PPP1R12A: variants seen among roughly 807,000 people sequenced by gnomAD.
The protein encoded by PPP1R12A is myosin binding subunit.
A neutral mutation model predicts 139.6 loss-of-function variants in PPP1R12A; 19 were observed. That is an observed-to-expected ratio of 0.14 (90% confidence interval 0.09 to 0.20). The LOEUF (loss-of-function observed/expected upper bound fraction) is 0.20. Among genes scored for constraint, PPP1R12A ranks in the 10% least tolerant of loss-of-function variants. PPP1R12A has a pLI of 1.00. For synonymous variants in PPP1R12A, 427 were observed against 420.6 expected, an observed-to-expected ratio of 1.02 and a Z score of -0.19; for missense variants, 925 against 1,211.5, an observed-to-expected ratio of 0.76 and a Z score of 3.51.
At chr12:79,914,300 T>C (rs1209345896) in intron 1 of PPP1R12A, among the ~76,000 whole-genome samples, 3 of 152,018 alleles carry the variant, frequency 2.0e-5, no homozygotes, top group African/African-American at 7.2e-5. Flanking sequence ...AATACCAAGA[T>C]ATCCCTTTGT....
intron 1 of PPP1R12A, among the ~76,000 whole-genome samples, chr12:79,907,611 A>C (rs1886234359): frequency 6.6e-6 from 1 of 152,174 alleles, no homozygotes; most frequent in South Asian, 2.1e-4. Flanking sequence ...TTATAAAAAT[A>C]AATCTGTTCA....
At chr12:79,930,055 G>C (rs1888132638) in intron 1 of PPP1R12A, among the ~76,000 whole-genome samples, 1 of 152,146 alleles carries the variant, frequency 6.6e-6, no homozygotes, top group Non-Finnish European at 1.5e-5. Flanking sequence ...GTCCTCAGAG[G>C]CTACAAGGGA....
intron 2 of PPP1R12A, among the ~76,000 whole-genome samples, chr12:79,859,349 AG>A (rs1266045028): frequency 4.1e-4 from 61 of 148,436 alleles, no homozygotes; most frequent in Middle Eastern, 3.5e-3. Flanking sequence ...AAAAAAAAAA[AG>A]AAAGAAAAAA....
chr12:79,932,384 T>C (rs1375389892), intron 1 of PPP1R12A, among the ~76,000 whole-genome samples: 1 of 152,156 alleles, frequency 6.6e-6, no homozygotes. Flanking sequence ...GGGAAAAAAG[T>C]ACAAGAGTTG....
intron 22 of PPP1R12A, 21 bp downstream of exon 22, chr12:79,786,353 C>G (rs1400122574): frequency 1.8e-5 from 26 of 1,431,958 alleles, no homozygotes; most frequent in Admixed American, 2.4e-5. Context: ...TTGAGAGTAA[C>G]AAAAAGAAAA....
At chr12:79,934,466 A>G (rs899864545) in intron 1 of PPP1R12A, among the ~76,000 whole-genome samples, 5 of 152,124 alleles carry the variant, frequency 3.3e-5, no homozygotes, top group Non-Finnish European at 5.9e-5. Flanking sequence ...CCCGGAAATC[A>G]CCCGGTTCCC....
intron 9 of PPP1R12A, among the ~76,000 whole-genome samples, chr12:79,812,087 G>GT (rs1490205826): frequency 6.6e-6 from 1 of 152,072 alleles, no homozygotes; most frequent in Non-Finnish European, 1.5e-5. Context: ...TACTATTACT[G>GT]TTATTTTAGA....
intron 1 of PPP1R12A, among the ~76,000 whole-genome samples, chr12:79,923,252 CT>C (rs2136951856): frequency 6.6e-6 from 1 of 152,226 alleles, no homozygotes; most frequent in Non-Finnish European, 1.5e-5. Context: ...CCAGCCTGAG[CT>C]GCTGAGGGAG....
At chr12:79,799,758 C>T (rs1043397298) in intron 14 of PPP1R12A, among the ~76,000 whole-genome samples, 3 of 152,022 alleles carry the variant, frequency 2.0e-5, no homozygotes, top group Non-Finnish European at 4.4e-5. Context: ...GCCTGTAATT[C>T]CAGCACATTG....
chr12:79,916,691 C>T (rs1050594312), intron 1 of PPP1R12A, among the ~76,000 whole-genome samples: 1 of 152,174 alleles, frequency 6.6e-6, no homozygotes, highest in Non-Finnish European at 1.5e-5. Flanking sequence ...GTGTTCATCA[C>T]ATCGTCAAGC....
At chr12:79,877,445 G>C (rs1388561565) in intron 1 of PPP1R12A, among the ~76,000 whole-genome samples, 2 of 152,138 alleles carry the variant, frequency 1.3e-5, no homozygotes, top group Admixed American at 6.5e-5. Flanking sequence ...GTAGTTTATA[G>C]AATGCTGAGA....
chr12:79,839,420 T>C (rs184018033), intron 3 of PPP1R12A, among the ~76,000 whole-genome samples: 1 of 151,928 alleles, frequency 6.6e-6, no homozygotes, highest in East Asian at 2.0e-4. Context: ...GAAGGTATGA[T>C]TGTGTTATGA....
At chr12:79,828,485 TAGAC>T (rs780219469) in intron 4 of PPP1R12A, 21 bp from the exon 5 acceptor site, 1 of 1,504,546 alleles carries the variant, frequency 6.6e-7, no homozygotes, top group Non-Finnish European at 9.0e-7. Flanking sequence ...TACAGTGAAT[TAGAC>T]AATCATTAAA....
At chr12:79,880,115 T>C (rs773497404) in intron 1 of PPP1R12A, among the ~76,000 whole-genome samples, 1 of 152,166 alleles carries the variant, frequency 6.6e-6, no homozygotes, top group African/African-American at 2.4e-5. Flanking sequence ...CTAAAAAGTA[T>C]ATATGCCAAG....
chr12:79,931,363 A>T (rs1888239965), intron 1 of PPP1R12A, among the ~76,000 whole-genome samples: 3 of 152,164 alleles, frequency 2.0e-5, no homozygotes, highest in Non-Finnish European at 2.9e-5. Flanking sequence ...ATTTCAAATC[A>T]ATACATAACC....
chr12:79,923,953 AG>A (rs1259244181), intron 1 of PPP1R12A, among the ~76,000 whole-genome samples: 3 of 152,150 alleles, frequency 2.0e-5, no homozygotes, highest in African/African-American at 7.2e-5. Flanking sequence ...CTGAGGCAGG[AG>A]AATCACTTGA....
intron 9 of PPP1R12A, among the ~76,000 whole-genome samples, chr12:79,811,592 T>C (rs1175139270): frequency 6.6e-6 from 1 of 152,220 alleles, no homozygotes; most frequent in African/African-American, 2.4e-5. Flanking sequence ...CTGTGCAATA[T>C]GATAGGTACT....
intron 1 of PPP1R12A, among the ~76,000 whole-genome samples, chr12:79,924,262 G>C (rs1233239060): frequency 3.3e-5 from 5 of 152,284 alleles, no homozygotes; most frequent in Middle Eastern, 6.8e-3. Context: ...TCTTGAATAT[G>C]CTACAGAGTT....
chr12:79,801,416 T>A (rs901882525), intron 14 of PPP1R12A, among the ~76,000 whole-genome samples: 1 of 147,386 alleles, frequency 6.8e-6, no homozygotes, highest in Non-Finnish European at 1.5e-5. Flanking sequence ...TTAACATTCT[T>A]CTCAATTTGT....
Sources: allele counts gnomAD v4.1 joint callset (sites outside exome capture counted in the v4.1 genomes callset), GRCh38; gene constraint gnomAD v4.1.1; transcripts MANE v1.5; gene names NCBI Gene and HGNC (gene_info 2026-07-23, HGNC 2026-07-21).